The following LEPROT variants were observed in gnomAD, a reference collection of about 807,000 sequenced individuals.
LEPROT encodes leptin receptor gene-related protein.
Under a neutral mutation model 15.4 loss-of-function variants are expected in LEPROT, and 3 were observed. The observed-to-expected ratio is 0.19, with a 90% CI of 0.09 to 0.50. The LOEUF is 0.50. LEPROT is among the 20% of genes least tolerant of loss of function. LEPROT has a pLI of 0.97. For synonymous variants in LEPROT, 59 were observed against 57.5 expected (o/e 1.03, Z -0.12); for missense variants, 137 against 162.2 (o/e 0.84, Z 0.84).
intron 1 of LEPROT, among the ~76,000 whole-genome samples, chr1:65,422,053 C>T (rs1646261561): frequency 6.6e-6 from 1 of 152,080 alleles, no homozygotes; most frequent in Non-Finnish European, 1.5e-5. Flanking sequence ...GGCTCAGATG[C>T]GGTGGGAGAA....
chr1:65,424,508 G>T (rs1377980845), intron 1 of LEPROT, among the ~76,000 whole-genome samples: 1 of 151,908 alleles, frequency 6.6e-6, no homozygotes, highest in African/African-American at 2.4e-5. Context: ...TTGGATAGGG[G>T]TTAGGTACTG....
chr1:65,425,120 T>C (rs886205463), intron 1 of LEPROT, among the ~76,000 whole-genome samples, 183 bp from the exon 2 acceptor site: 1 of 152,182 alleles, frequency 6.6e-6, no homozygotes, highest in Non-Finnish European at 1.5e-5. Flanking sequence ...AAGTGTAAGA[T>C]TTCATGGTTT....
Position 65,431,913 on chromosome 1 carries a change from G to C in LEPROT, c.390G>C (p.Gln130His), listed in dbSNP as rs1459211129. ...FGRGDDFSWE[Q>H]W ...GAGGAGATGATTTTAGCTGGGAGCA[G>C]TGGTAGCACTTTATTCTGATTACAG... The change falls in exon 4 of 4, where the codon CAG becomes CAC. Residue 130 changes from glutamine to histidine, a missense_variant. Transcript: ENST00000371065. The C allele has an allele frequency of 6.2e-7, 1 of 1,613,774 alleles. No homozygotes were observed. Among genetic ancestry groups the C allele is most frequent in the African/African-American group, 1.3e-5 (1 of 74,906 alleles).
Position 65,433,054 on chromosome 1 carries a change from C to CAG in LEPROT, c.*1136_*1137dup, listed in dbSNP as rs1290910114. The CAG allele has an allele frequency of 2.0e-6, 2 of 985,406 alleles. No individual in the cohort carries two copies. Among genetic ancestry groups the CAG allele is most frequent in the East Asian group, 2.3e-4 (2 of 8,814 alleles). The allele number at this position is 985,406 out of a possible 1,614,324, so 61.0% of individuals were successfully genotyped here. A position where few individuals can be genotyped will look rare whatever the true frequency, so the allele number is the denominator to read the frequency against. ...GGGAAGAGCTCCACTGAGATGCGGG[C>CAG]AGGGAGGCTGGGCTCGAGCCAGCCC... On this transcript the variant is annotated 3_prime_UTR_variant, in exon 4 of 4. Transcript: ENST00000371065.
intron 1 of LEPROT, 139 bp downstream of exon 1, chr1:65,420,879 C>T: frequency 9.1e-7 from 1 of 1,096,344 alleles, no homozygotes; most frequent in Non-Finnish European, 1.3e-6. Context: ...GGGAGGCGAT[C>T]GACCGCTCCC....
intron 1 of LEPROT, among the ~76,000 whole-genome samples, chr1:65,421,819 C>T (rs2101666181): frequency 6.6e-6 from 1 of 152,212 alleles, no homozygotes; most frequent in South Asian, 2.1e-4. Context: ...ACTACCAAAT[C>T]ATGATCACGT....
rs1646340936 is a variant in LEPROT at position 65,425,395 on chromosome 1, A to G, written c.92+17A>G. The G allele has an allele frequency of 1.1e-5, 17 of 1,582,550 alleles. No individual in the cohort carries two copies. The highest frequency in any genetic ancestry group is 1.5e-5 in the Non-Finnish European group (17 of 1,166,134). On this transcript the variant is annotated intron_variant, in intron 2 of 3. Coordinates refer to ENST00000371065, the MANE Select transcript of LEPROT (RefSeq NM_017526.5). The stretch of plus-strand genomic sequence containing the variant: ...GGATTATGGGTAAGTTATCATTTCA[A>G]AAAGAACTATTCCTCTTTCTGTGTC...
chr1:65,421,499 G>T lies in LEPROT; in HGVS notation c.16+759G>T, dbSNP rs1397714960. The stretch of plus-strand genomic sequence containing the variant: ...CATTTCTAATCTGTCGAATAGAGTA[G>T]CATGACTTGTTTTTATATTGGCTTT... On this transcript the variant is annotated intron_variant, in intron 1 of 3. Transcript: ENST00000371065. 10 of 1,535,250 alleles carry T rather than the reference G, an allele frequency of 6.5e-6. No individual in the cohort carries two copies. The South Asian group carries it at 1.2e-4, about 18-fold the overall frequency.
intron 3 of LEPROT, among the ~76,000 whole-genome samples, chr1:65,430,807 A>G (rs902581131): frequency 1.1e-4 from 17 of 152,228 alleles, no homozygotes; most frequent in African/African-American, 3.1e-4. Context: ...TAAGTATACT[A>G]TAAGTGTACT....
At chr1:65,431,032 G>C (rs1338652473) in intron 3 of LEPROT, among the ~76,000 whole-genome samples, 2 of 152,174 alleles carry the variant, frequency 1.3e-5, no homozygotes, top group Non-Finnish European at 2.9e-5. Flanking sequence ...TGAGGTTAAG[G>C]CTGGAAGGGT....
intron 2 of LEPROT, among the ~76,000 whole-genome samples, chr1:65,427,057 C>T (rs570708309): frequency 1.1e-4 from 17 of 151,908 alleles, no homozygotes; most frequent in African/African-American, 4.1e-4. Context: ...GTTATTATGA[C>T]AGTGATGAAT....
At chr1:65,425,200 G>T (rs1442333886) in intron 1 of LEPROT, 103 bp from the exon 2 acceptor site, 8 of 915,514 alleles carry the variant, frequency 8.7e-6, no homozygotes, top group Non-Finnish European at 1.4e-5. Context: ...ATCCGCCAAA[G>T]AAACTCTGGA....
chr1:65,425,245 T>A, intron 1 of LEPROT, 58 bp from the exon 2 acceptor site: 1 of 1,480,510 alleles, frequency 6.8e-7, no homozygotes, highest in Non-Finnish European at 9.4e-7. Context: ...CCCCAAACCC[T>A]CTAGTGCCTG....
Position 65,432,852 on chromosome 1 carries a change from A to T in LEPROT, c.*933A>T. On this transcript the variant is annotated 3_prime_UTR_variant, in exon 4 of 4. Transcript: ENST00000371065. Reference sequence around the variant, plus strand: ...AGTTAAATATTTGAGATCATATGTTAATTAGTGTAATCATTCCACCTTATA... The same window carrying T: ...AGTTAAATATTTGAGATCATATGTTTATTAGTGTAATCATTCCACCTTATA... 1 of 666,504 alleles carries T rather than the reference A, an allele frequency of 1.5e-6. No homozygotes were observed. Among genetic ancestry groups the T allele is most frequent in the Non-Finnish European group, 1.9e-6 (1 of 538,700 alleles). 41.3% of individuals were successfully genotyped at this position (666,504 alleles called of 1,614,324 possible).
rs764793845 is a variant in LEPROT, at chr1:65,429,966, G to T, written c.197G>T (p.Cys66Phe). The T allele has an allele frequency of 1.3e-6, 2 of 1,579,024 alleles. No individual in the cohort carries two copies. Among genetic ancestry groups the T allele is most frequent in the East Asian group, 4.5e-5 (2 of 44,070 alleles). Residue 66 changes from cysteine to phenylalanine, a missense_variant, in exon 3 of 4, where the codon TGT becomes TTT. Physicochemically the swap from Cys to Phe is radical, Grantham distance 205. Coordinates refer to ENST00000371065, the MANE Select transcript of LEPROT (RefSeq NM_017526.5). ...TYDSDATSSA[C>F]RELAYFFTTG... ...GACTCAGATGCAACCAGTAGTGCCTGTCGGGAACTGGCATATTTCTTCACT... is the reference window on the plus strand; with the variant it reads ...GACTCAGATGCAACCAGTAGTGCCTTTCGGGAACTGGCATATTTCTTCACT...
At chr1:65,430,210 C>T (rs1325710202) in intron 3 of LEPROT, 162 bp downstream of exon 3, 2 of 508,498 alleles carry the variant, frequency 3.9e-6, no homozygotes, top group Non-Finnish European at 6.6e-6. Context: ...AACAGTAGTT[C>T]GGCCATGCCT....
Position 65,432,195 on chromosome 1 carries a change from T to C in LEPROT, c.*276T>C. On this transcript the variant is annotated 3_prime_UTR_variant, in exon 4 of 4. Coordinates refer to ENST00000371065, the MANE Select transcript of LEPROT (RefSeq NM_017526.5). The stretch of plus-strand genomic sequence containing the variant: ...CAGAAAATATATTAACGCAGTCTTG[T>C]AGGCAGCTGCCACCTTATGCAGTGC... The C allele has an allele frequency of 9.2e-7, 1 of 1,084,648 alleles. No individual in the cohort carries two copies. Among genetic ancestry groups the C allele is most frequent in the Non-Finnish European group, 1.1e-6 (1 of 891,904 alleles). 67.2% of individuals were successfully genotyped at this position (1,084,648 alleles called of 1,614,324 possible).
chr1:65,420,839 G>T (rs1412689268), intron 1 of LEPROT, 99 bp downstream of exon 1: 6 of 1,407,514 alleles, frequency 4.3e-6, no homozygotes, highest in South Asian at 1.3e-5. Flanking sequence ...TTGGGGAACG[G>T]CCTCACCACC....
In LEPROT at chr1:65,432,736, A is replaced by G. The variant is rs920460412; in HGVS notation, c.*817A>G. The G allele has an allele frequency of 7.5e-6, 5 of 665,536 alleles. No homozygotes were observed. The highest frequency in any genetic ancestry group is 1.4e-4 in the East Asian group (1 of 7,382). The allele number at this position is 665,536 out of a possible 1,614,324, so 41.2% of individuals were successfully genotyped here. On this transcript the variant is annotated 3_prime_UTR_variant, in exon 4 of 4. Coordinates refer to ENST00000371065, the MANE Select transcript of LEPROT (RefSeq NM_017526.5). The stretch of plus-strand genomic sequence containing the variant: ...AGGAATAAGTGTGATTTTTTTTTAA[A>G]GATCACTTGCACAGCATGCTAAATA...
Sources: gnomAD v4.1 joint callset for allele counts (sites outside exome capture counted in the v4.1 genomes callset) on GRCh38, gnomAD v4.1.1 for gene constraint, MANE v1.5 for transcripts, NCBI Gene and HGNC (gene_info 2026-07-23, HGNC 2026-07-21) for gene names.